Variants in SLC10A1 observed in about 807,000 individuals in gnomAD.
The protein encoded by SLC10A1 is solute carrier family 10 member 1.
In SLC10A1, 36 loss-of-function variants were observed where a neutral mutation model predicts 20.5. The ratio of observed to expected loss-of-function variants is 1.75; its 90% CI spans 1.34 to 2.32. SLC10A1 has a LOEUF of 2.32. SLC10A1 is among the 30% of genes most tolerant of loss of function. The probability of loss-of-function intolerance (pLI) is 0.00; values close to 1 mark genes in which losing one functional copy is unlikely to be tolerated. For missense variants in SLC10A1, 545 were observed against 439.1 expected (o/e 1.24, Z -2.16); for synonymous variants, 188 against 163.6 (o/e 1.15, Z -1.14).
At chr14:69,782,700 C>T (rs10130124) in intron 2 of SLC10A1, among the ~76,000 whole-genome samples, 4,954 of 151,530 alleles carry the variant, frequency 0.033, 244 homozygotes, top group African/African-American at 0.11. Context: ...CCCAGCTACT[C>T]AGGAGGCTGA....
At chr14:69,796,464 T>C (rs1882387406) in intron 1 of SLC10A1, among the ~76,000 whole-genome samples, 1 of 152,202 alleles carries the variant, frequency 6.6e-6, no homozygotes, top group South Asian at 2.1e-4. Flanking sequence ...ACTTGTCCAC[T>C]GTTGTAGGTG....
In SLC10A1 at chr14:69,776,254, ACCAGAAT is replaced by A. The variant is rs1162640211; in HGVS notation, c.*21_*27del. On this transcript the variant is annotated 3_prime_UTR_variant, in exon 5 of 5. Coordinates refer to ENST00000216540, the MANE Select transcript of SLC10A1 (RefSeq NM_003049.4). ...CACTGGCTTTCAGAATTGCTTTGGGACCAGAATCCAGGCCACCAGGGGAAGGGCTAGG... is the reference window on the plus strand; with the variant it reads ...CACTGGCTTTCAGAATTGCTTTGGGACCAGGCCACCAGGGGAAGGGCTAGG... 1 of 1,563,890 alleles carries A rather than the reference ACCAGAAT, an allele frequency of 6.4e-7. No homozygotes were observed. Among genetic ancestry groups the A allele is most frequent in the South Asian group, 1.1e-5 (1 of 89,444 alleles).
intron 2 of SLC10A1, among the ~76,000 whole-genome samples, chr14:69,784,520 CAG>C (rs3837667): frequency 5.9e-5 from 9 of 151,656 alleles, no homozygotes; most frequent in East Asian, 3.9e-4. Flanking sequence ...AAGCGATTGA[CAG>C]AGAGAGAGAG....
Position 69,776,106 on chromosome 14 carries a change from T to G in SLC10A1, c.*176A>C, listed in dbSNP as rs1883439026. 2 of 584,368 alleles carry G rather than the reference T, an allele frequency of 3.4e-6. No homozygotes were observed. The highest frequency in any genetic ancestry group is 6.1e-6 in the Non-Finnish European group (2 of 328,744). 36.2% of individuals were successfully genotyped at this position (584,368 alleles called of 1,614,324 possible). Reference sequence around the variant, plus strand: ...ATTCTAAGTTGGGGATAGGTGAGGCTTCTTGGGTAGACACCCTGTCTGTGT... The same window carrying G: ...ATTCTAAGTTGGGGATAGGTGAGGCGTCTTGGGTAGACACCCTGTCTGTGT... On this transcript the variant is annotated 3_prime_UTR_variant, in exon 5 of 5. Transcript: ENST00000216540.
intron 1 of SLC10A1, 35 bp from the exon 2 acceptor site, chr14:69,786,342 G>C (rs763077550): frequency 4.7e-5 from 71 of 1,514,886 alleles, no homozygotes; most frequent in Non-Finnish European, 5.9e-5. Context: ...GAGAGAGAGA[G>C]AGCCCATAAA....
chr14:69,794,179 TACAGCTGGCCCTTTG>T (rs1351224105), intron 1 of SLC10A1, among the ~76,000 whole-genome samples: 5 of 152,236 alleles, frequency 3.3e-5, no homozygotes, highest in Non-Finnish European at 5.9e-5. Context: ...GCCTTTGGGC[TACAGCTGGCCCTTTG>T]ACATGTATTG....
At chr14:69,785,660 G>A (rs1594762634) in intron 2 of SLC10A1, among the ~76,000 whole-genome samples, 1 of 149,658 alleles carries the variant, frequency 6.7e-6, no homozygotes, top group East Asian at 2.0e-4. Context: ...GCAGTGGCGC[G>A]ATCTCGGCTC....
chr14:69,792,148 T>G (rs1882286682), intron 1 of SLC10A1, among the ~76,000 whole-genome samples: 1 of 151,920 alleles, frequency 6.6e-6, no homozygotes, highest in Admixed American at 6.6e-5. Flanking sequence ...AGAGACGGGG[T>G]TTTGCCATGT....
rs1180531642 is a variant in SLC10A1, at chr14:69,779,201, G to T, written c.727C>A (p.Leu243Ile). The change falls in exon 3 of 5, where the codon CTC becomes ATC. Residue 243 changes from leucine to isoleucine, a missense_variant. Physicochemically the swap from Leu to Ile is conservative, Grantham distance 5. Transcript: ENST00000216540. Reference sequence around the variant, plus strand: ...ACCTACCGTCCATTGAGGCAGAAGAGAGCAGAGAGAACATAACCCAGCAGA... The same window carrying T: ...ACCTACCGTCCATTGAGGCAGAAGATAGCAGAGAGAACATAACCCAGCAGA... ...GFLLGYVLSA[L>I]FCLNGRCRRT... is the part of the protein sequence containing the mutation. 2 of 1,611,000 alleles carry T rather than the reference G, an allele frequency of 1.2e-6. No homozygotes were observed. The highest frequency in any genetic ancestry group is 1.1e-5 in the South Asian group (1 of 90,276).
chr14:69,776,292 C>A lies in SLC10A1; in HGVS notation c.1040G>T (p.Cys347Phe). ...CCACCAGGGGAAGGGCTAGGCTGTGCAAGGGGAGCAGTCCTCCCCTTTGTA... is the reference window on the plus strand; with the variant it reads ...CCACCAGGGGAAGGGCTAGGCTGTGAAAGGGGAGCAGTCCTCCCCTTTGTA... The part of the protein sequence containing the change: ...GTYKGEDCSP[C>F]TA Residue 347 changes from cysteine to phenylalanine, a missense_variant, in exon 5 of 5, where the codon TGC (cysteine) becomes TTC (phenylalanine). Physicochemically the swap from Cys to Phe is radical, Grantham distance 205. Coordinates refer to ENST00000216540, the MANE Select transcript of SLC10A1 (RefSeq NM_003049.4). 5 of 1,611,412 alleles carry A rather than the reference C, an allele frequency of 3.1e-6. No homozygotes were observed. Among genetic ancestry groups the A allele is most frequent in the Non-Finnish European group, 4.2e-6 (5 of 1,178,430 alleles).
chr14:69,791,691 G>A (rs576943590), intron 1 of SLC10A1, among the ~76,000 whole-genome samples: 1 of 152,158 alleles, frequency 6.6e-6, no homozygotes, highest in Non-Finnish European at 1.5e-5. Context: ...TGGTACAAGG[G>A]TAGCCACATA....
intron 1 of SLC10A1, among the ~76,000 whole-genome samples, chr14:69,790,911 G>A (rs1883822950): frequency 6.6e-6 from 1 of 152,104 alleles, no homozygotes; most frequent in African/African-American, 2.4e-5. Flanking sequence ...TAACTGGTAA[G>A]TAAGAAAATG....
chr14:69,790,869 TCCACAG>T (rs1395267300), intron 1 of SLC10A1, among the ~76,000 whole-genome samples: 1 of 152,076 alleles, frequency 6.6e-6, no homozygotes, highest in Non-Finnish European at 1.5e-5. Context: ...GATAGGATTG[TCCACAG>T]AAGAAATCTA....
At chr14:69,779,849 G>C (rs139612399) in intron 2 of SLC10A1, among the ~76,000 whole-genome samples, 157 of 150,306 alleles carry the variant, frequency 1.0e-3, no homozygotes, top group African/African-American at 3.7e-3. Context: ...TAAAAGTCAA[G>C]TATTTTTGGA....
At chr14:69,779,554 C>G (rs1195376771) in intron 2 of SLC10A1, among the ~76,000 whole-genome samples, 194 bp from the exon 3 acceptor site, 2 of 152,156 alleles carry the variant, frequency 1.3e-5, no homozygotes, top group Admixed American at 1.3e-4. Flanking sequence ...ACATTAGAGA[C>G]AGGGTCTTAC....
At chr14:69,783,355 T>C (rs1220545510) in intron 2 of SLC10A1, among the ~76,000 whole-genome samples, 1 of 152,202 alleles carries the variant, frequency 6.6e-6, no homozygotes, top group African/African-American at 2.4e-5. Flanking sequence ...GTGTAATAAT[T>C]GCTACAGGGG....
intron 1 of SLC10A1, among the ~76,000 whole-genome samples, chr14:69,788,567 TG>T (rs143773907): frequency 0.033 from 4,929 of 150,982 alleles, 248 homozygotes; most frequent in African/African-American, 0.11. Context: ...TTTTTTGAGA[TG>T]GAGTCTTGCT....
intron 1 of SLC10A1, among the ~76,000 whole-genome samples, chr14:69,787,088 C>T (rs952717550): frequency 7.2e-5 from 11 of 152,168 alleles, no homozygotes; most frequent in Admixed American, 5.2e-4. Context: ...GACAAGATAA[C>T]CTGGTCAGAT....
At chr14:69,791,247 TGAAAG>T (rs1883831502) in intron 1 of SLC10A1, among the ~76,000 whole-genome samples, 1 of 152,042 alleles carries the variant, frequency 6.6e-6, no homozygotes, top group African/African-American at 2.4e-5. Flanking sequence ...TTTGTAGACT[TGAAAG>T]GTGATACTGA....
Sources: gnomAD v4.1 joint callset for allele counts (sites outside exome capture counted in the v4.1 genomes callset) on GRCh38, gnomAD v4.1.1 for gene constraint, MANE v1.5 for transcripts, NCBI Gene and HGNC (gene_info 2026-07-23, HGNC 2026-07-21) for gene names.